Variants in PAK2 observed in about 807,000 individuals in gnomAD.
PAK2 encodes the protein p21 (RAC1) activated kinase 2, also known as serine/threonine-protein kinase PAK 2.
Under a neutral mutation model 65.9 loss-of-function variants are expected in PAK2, and 21 were observed. That is an observed-to-expected ratio of 0.32 (90% CI 0.23 to 0.46). The LOEUF is 0.46. PAK2 is among the 20% of genes least tolerant of loss of function. PAK2 has a pLI of 1.00. For missense variants in PAK2, 324 were observed against 642.6 expected (o/e 0.50, Z 5.36); for synonymous variants, 204 against 219.7 (o/e 0.93, Z 0.63).
rs998825127 is a variant in PAK2, at chr3:196,830,442, G to A, written c.*2037G>A. 14 of 152,114 alleles carry A rather than the reference G, an allele frequency of 9.2e-5. No homozygotes were observed. The highest frequency in any genetic ancestry group is 3.4e-4 in the African/African-American group (14 of 41,378). 9.4% of individuals were successfully genotyped at this position (152,114 alleles called of 1,614,324 possible). A position where few individuals can be genotyped will look rare whatever the true frequency, so the allele number is the denominator to read the frequency against. On this transcript the variant is annotated 3_prime_UTR_variant, in exon 15 of 15. Transcript: ENST00000327134. ...CAGTTGGATGGATTATGATAAAGAA[G>A]ATGCTACCAATGAAATAGAAAACCA...
chr3:196,746,909 A>C (rs1713402496), intron 1 of PAK2, among the ~76,000 whole-genome samples: 1 of 150,912 alleles, frequency 6.6e-6, no homozygotes, highest in South Asian at 2.1e-4. Context: ...CACTTTTGAT[A>C]ATTCGTATTT....
At chr3:196,770,375 G>C (rs1458387917) in intron 1 of PAK2, among the ~76,000 whole-genome samples, 1 of 151,842 alleles carries the variant, frequency 6.6e-6, no homozygotes, top group African/African-American at 2.4e-5. Flanking sequence ...TCCTGAGCCA[G>C]TATGGTGGCA....
At chr3:196,805,958 C>T (rs1715571642) in intron 5 of PAK2, among the ~76,000 whole-genome samples, 2 of 151,746 alleles carry the variant, frequency 1.3e-5, no homozygotes, top group South Asian at 4.2e-4. Flanking sequence ...GTCGCCCAGG[C>T]TGGAGTGCAG....
At chr3:196,824,282 T>TG (rs752724871) in intron 13 of PAK2, among the ~76,000 whole-genome samples, 1 of 152,026 alleles carries the variant, frequency 6.6e-6, no homozygotes, top group Admixed American at 6.6e-5. Flanking sequence ...ATCTGCCTGA[T>TG]GGGGGGAAAA....
intron 2 of PAK2, among the ~76,000 whole-genome samples, chr3:196,788,136 G>C (rs1395163605): frequency 6.6e-6 from 1 of 152,182 alleles, no homozygotes; most frequent in Non-Finnish European, 1.5e-5. Context: ...AGCATTCCTC[G>C]TGGATTTTAT....
At position 196,739,974 on chromosome 3, in the gene PAK2, G is replaced by C. The variant is rs1190060167; in HGVS notation, c.-205G>C. The C allele has an allele frequency of 6.6e-6, 1 of 151,562 alleles. No homozygotes were observed. The highest frequency in any genetic ancestry group is 1.5e-5 in the Non-Finnish European group (1 of 67,808). 9.4% of individuals were successfully genotyped at this position (151,562 alleles called of 1,614,324 possible). On this transcript the variant is annotated 5_prime_UTR_variant, in exon 1 of 15. Coordinates refer to ENST00000327134, the MANE Select transcript of PAK2 (RefSeq NM_002577.4). ...TCCCCTCCCCTCCCTGGCGTGCGCAGGACTCCGCCGCCGCTGGGCCTAGCG... is the reference window on the plus strand; with the variant it reads ...TCCCCTCCCCTCCCTGGCGTGCGCACGACTCCGCCGCCGCTGGGCCTAGCG...
At chr3:196,749,081 C>CTTT (rs71621295) in intron 1 of PAK2, among the ~76,000 whole-genome samples, 1 of 149,566 alleles carries the variant, frequency 6.7e-6, no homozygotes, top group South Asian at 2.1e-4. Context: ...AAGTTCTTTT[C>CTTT]TTTTTTTTTT....
intron 2 of PAK2, among the ~76,000 whole-genome samples, chr3:196,799,283 C>T (rs1477244890): frequency 6.6e-6 from 1 of 152,104 alleles, no homozygotes; most frequent in Non-Finnish European, 1.5e-5. Context: ...TTAAAACTGC[C>T]ATTTGCAATA....
Position 196,791,016 on chromosome 3 carries a change from ACTCC to A in PAK2, c.187+8185_187+8188del, listed in dbSNP as rs1715053207. Among the ~76,000 whole-genome samples the A allele has an allele frequency of 6.6e-6, 1 of 151,670 alleles. No individual in the cohort carries two copies. Among genetic ancestry groups the A allele is most frequent in the African/African-American group, 2.4e-5 (1 of 41,238 alleles). ...CAGCCAAACTTTGAAGCTATGCAAA[ACTCC>A]CCGGCCTTCCAAGCAGGTTTGCTTT... is the stretch of plus-strand genomic sequence containing the variant. On this transcript the variant is annotated intron_variant, in intron 2 of 14. Coordinates refer to ENST00000327134, the MANE Select transcript of PAK2 (RefSeq NM_002577.4). The surrounding 1 kb of genome is among the most constrained non-coding windows in gnomAD (Gnocchi z 4.0).
At chr3:196,798,599 C>T (rs1375066027) in intron 2 of PAK2, among the ~76,000 whole-genome samples, 2 of 152,136 alleles carry the variant, frequency 1.3e-5, no homozygotes, top group Non-Finnish European at 2.9e-5. Flanking sequence ...CTGCCTCAGC[C>T]TCCCAAAGTG....
rs1304187856 is a variant in PAK2, at chr3:196,829,894, T to TCTCCC, written c.*1500_*1504dup. Reference sequence around the variant, plus strand: ...CATTAATTATTTGAGTGCCCTCCCTTCTCCCCTCCCCTCCCTTTTCTCTTC... The same window carrying TCTCCC: ...CATTAATTATTTGAGTGCCCTCCCTTCTCCCCTCCCCTCCCCTCCCTTTTCTCTTC... On this transcript the variant is annotated 3_prime_UTR_variant, in exon 15 of 15. Transcript: ENST00000327134. The TCTCCC allele has an allele frequency of 6.6e-6, 1 of 152,042 alleles. No homozygotes were observed. The highest frequency in any genetic ancestry group is 1.5e-5 in the Non-Finnish European group (1 of 68,006). The allele number at this position is 152,042 out of a possible 1,614,324, so 9.4% of individuals were successfully genotyped here.
chr3:196,808,546 A>G (rs1715663731), intron 7 of PAK2, among the ~76,000 whole-genome samples: 1 of 86,352 alleles, frequency 1.2e-5, no homozygotes, highest in African/African-American at 4.6e-5. Context: ...GGCAACAGTG[A>G]GACTCCATCT....
intron 2 of PAK2, among the ~76,000 whole-genome samples, chr3:196,796,019 G>A (rs1317923491): frequency 6.6e-6 from 1 of 152,172 alleles, no homozygotes; most frequent in Non-Finnish European, 1.5e-5. Flanking sequence ...TGGATCCCTC[G>A]CGTGTGCAGT....
intron 10 of PAK2, among the ~76,000 whole-genome samples, chr3:196,813,604 A>G (rs1046064288): frequency 6.6e-6 from 1 of 152,170 alleles, no homozygotes; most frequent in Non-Finnish European, 1.5e-5. Flanking sequence ...TAGAATGAGG[A>G]AAAAATAATG....
chr3:196,825,295 G>A (rs1425884095), intron 13 of PAK2, among the ~76,000 whole-genome samples: 1 of 151,816 alleles, frequency 6.6e-6, no homozygotes, highest in Non-Finnish European at 1.5e-5. Context: ...GCCATGTGTT[G>A]AGATCATGCC....
intron 2 of PAK2, among the ~76,000 whole-genome samples, chr3:196,799,222 A>G (rs983860562): frequency 2.0e-5 from 3 of 152,248 alleles, no homozygotes; most frequent in East Asian, 1.9e-4. Flanking sequence ...TTAGTATTCA[A>G]GAAACAACTG....
intron 1 of PAK2, among the ~76,000 whole-genome samples, chr3:196,753,845 C>T (rs908125788): frequency 1.3e-5 from 2 of 152,002 alleles, no homozygotes; most frequent in African/African-American, 4.8e-5. Context: ...ACTAATGTTG[C>T]CTGAAACATT....
chr3:196,807,625 C>A (rs1019525235), intron 6 of PAK2, among the ~76,000 whole-genome samples, 157 bp from the exon 7 acceptor site: 2 of 152,146 alleles, frequency 1.3e-5, no homozygotes, highest in Non-Finnish European at 2.9e-5. Context: ...TTCTTAGTTA[C>A]ACATCTTTTA....
At position 196,779,192 on chromosome 3, in the gene PAK2, T is replaced by C. The variant is rs559279977; in HGVS notation, c.-21-3434T>C. On this transcript the variant is annotated intron_variant, in intron 1 of 14. Coordinates refer to ENST00000327134, the MANE Select transcript of PAK2 (RefSeq NM_002577.4). ...AAAGATTTGTTCCTTTTCTCCCATTTATTTACTTATTCATTTATTTATGTC... is the reference window on the plus strand; with the variant it reads ...AAAGATTTGTTCCTTTTCTCCCATTCATTTACTTATTCATTTATTTATGTC... Among the ~76,000 whole-genome samples the C allele has an allele frequency of 2.0e-5, 3 of 152,358 alleles. No individual in the cohort carries two copies. In the East Asian group the frequency reaches 5.8e-4, roughly 29 times the overall value.
Sources: allele counts gnomAD v4.1 joint callset (sites outside exome capture counted in the v4.1 genomes callset), GRCh38; gene constraint gnomAD v4.1.1; non-coding constraint Gnocchi (gnomAD v3.1); transcripts MANE v1.5; gene names NCBI Gene and HGNC (gene_info 2026-07-23, HGNC 2026-07-21).